The following RASA2 variants were observed in gnomAD, a reference collection of about 807,000 sequenced individuals.
RASA2 encodes the protein ras GTPase-activating protein 2.
A neutral mutation model predicts 118.2 loss-of-function variants in RASA2; 155 were observed. The observed-to-expected ratio is 1.31, with a 90% CI of 1.15 to 1.50. The LOEUF (loss-of-function observed/expected upper bound fraction) is 1.50, where lower values mean the gene tolerates loss of function less well. RASA2 is among the 40% of genes most tolerant of loss of function. The pLI is 0.00. For synonymous variants in RASA2, 353 were observed against 349.1 expected, an observed-to-expected ratio of 1.01 and a Z score of -0.12; for missense variants, 1,016 against 1,009.6, an observed-to-expected ratio of 1.01 and a Z score of -0.09.
At position 141,492,158 on chromosome 3, in the gene RASA2, T is replaced by G. The variant is rs772396240; in HGVS notation, c.133+4942T>G. ...AACCTCAGTGAGTTCATAGAGTTGT[T>G]TTTTTAAAACTTAGAACTCTTTGAA... On this transcript the variant is annotated intron_variant, in intron 1 of 23. Coordinates refer to ENST00000286364, the MANE Select transcript of RASA2 (RefSeq NM_006506.5). Among the ~76,000 whole-genome samples, 69 of 152,208 alleles carry G rather than the reference T, an allele frequency of 4.5e-4. 1 individual carries two copies. Among genetic ancestry groups the G allele is most frequent in the Non-Finnish European group, 1.6e-4 (11 of 68,018 alleles).
chr3:141,498,655 T>G lies in RASA2; in HGVS notation c.133+11439T>G, dbSNP rs369168715. Among the ~76,000 whole-genome samples the G allele has an allele frequency of 2.6e-5, 4 of 152,012 alleles. No homozygotes were observed. The South Asian group carries it at 6.2e-4, about 24-fold the overall frequency. On this transcript the variant is annotated intron_variant, in intron 1 of 23. Transcript: ENST00000286364. ...TATGTGTCTAGGTGTCTTTTTTTTG[T>G]GGAGGGGGGGCGAAGATCAATATGA...
intron 1 of RASA2, among the ~76,000 whole-genome samples, chr3:141,494,996 T>C (rs1037212532): frequency 6.6e-6 from 1 of 152,166 alleles, no homozygotes; most frequent in South Asian, 2.1e-4. Context: ...GGTTGAGAAA[T>C]TGAGAAAGAA....
chr3:141,518,268 C>T (rs1310115640), intron 3 of RASA2, among the ~76,000 whole-genome samples: 7 of 151,140 alleles, frequency 4.6e-5, no homozygotes, highest in African/African-American at 9.7e-5. Flanking sequence ...GGGCAGATCA[C>T]GAGGTCAGGA....
At chr3:141,515,622 C>A (rs1483485565) in intron 2 of RASA2, among the ~76,000 whole-genome samples, 1 of 152,002 alleles carries the variant, frequency 6.6e-6, no homozygotes, top group East Asian at 1.9e-4. Flanking sequence ...TATTATTTGG[C>A]CAGGAACATT....
chr3:141,509,324 G>T (rs555591455), intron 1 of RASA2, among the ~76,000 whole-genome samples: 5 of 152,132 alleles, frequency 3.3e-5, no homozygotes, highest in Non-Finnish European at 7.4e-5. Flanking sequence ...ATAATGTCAG[G>T]TTCATTGGAT....
intron 5 of RASA2, among the ~76,000 whole-genome samples, chr3:141,547,861 T>A (rs1202849543): frequency 6.6e-6 from 1 of 152,208 alleles, no homozygotes; most frequent in African/African-American, 2.4e-5. Flanking sequence ...TTGATCCTTC[T>A]GTACCTATTT....
chr3:141,568,701 C>A (rs377746873), intron 9 of RASA2, among the ~76,000 whole-genome samples: 1 of 151,972 alleles, frequency 6.6e-6, no homozygotes, highest in South Asian at 2.1e-4. Flanking sequence ...TTTCTTAGTT[C>A]TTGAAGTTTG....
At chr3:141,581,021 C>A in intron 16 of RASA2, 79 bp from the exon 17 acceptor site, 1 of 1,375,184 alleles carries the variant, frequency 7.3e-7, no homozygotes, top group African/African-American at 1.5e-5. Flanking sequence ...AGGCCTTAAT[C>A]CTCAGCTTAA....
intron 7 of RASA2, among the ~76,000 whole-genome samples, chr3:141,557,207 A>G (rs2082663268): frequency 6.6e-6 from 1 of 152,180 alleles, no homozygotes; most frequent in South Asian, 2.1e-4. Context: ...ACATTCATTC[A>G]GAGGGCCTTT....
intron 19 of RASA2, among the ~76,000 whole-genome samples, chr3:141,605,253 C>T (rs12695743): frequency 0.25 from 37,252 of 152,030 alleles, 5,215 homozygotes; most frequent in Non-Finnish European, 0.32. Flanking sequence ...GTAATTTTCT[C>T]CTGAATACTC....
rs1394280019 is a variant in RASA2 at position 141,529,797 on chromosome 3, G to T, written c.445G>T (p.Val149Phe). 6.3e-7 allele frequency: 1 copy of T among 1,599,224 alleles called. No homozygotes were observed. The highest frequency in any genetic ancestry group is 8.6e-7 in the Non-Finnish European group (1 of 1,167,356). The change falls in exon 4 of 24, where the codon GTT becomes TTT. Residue 149 changes from valine to phenylalanine, a missense_variant. Physicochemically the swap from Val to Phe is conservative, Grantham distance 50. Coordinates refer to ENST00000286364, the MANE Select transcript of RASA2 (RefSeq NM_006506.5). ...ACAGCCTGTTGACTCCAATTCAGAG[G>T]TTCAGGTAAATATTAAGGCTTATGT... ...SLQPVDSNSE[V>F]QGKVHLELKL... is the part of the protein sequence containing the mutation.
At chr3:141,596,257 G>A (rs188650748) in intron 19 of RASA2, among the ~76,000 whole-genome samples, 1 of 152,134 alleles carries the variant, frequency 6.6e-6, no homozygotes, top group Non-Finnish European at 1.5e-5. Flanking sequence ...ATACTTCTAA[G>A]TAACCTATAG....
chr3:141,588,353 A>G (rs1391022275), intron 19 of RASA2, among the ~76,000 whole-genome samples: 1 of 152,212 alleles, frequency 6.6e-6, no homozygotes, highest in East Asian at 1.9e-4. Flanking sequence ...AACAAACCCA[A>G]TGGATATAGT....
intron 9 of RASA2, among the ~76,000 whole-genome samples, chr3:141,567,939 C>CTGAGAGAGAGAATT (rs778283504): frequency 1.8e-4 from 27 of 152,196 alleles, no homozygotes; most frequent in Non-Finnish European, 2.2e-4. Flanking sequence ...TAACAGAGGA[C>CTGAGAGAGAGAATT]TGAGAGAGAG....
At chr3:141,546,535 T>A (rs2082488300) in intron 5 of RASA2, among the ~76,000 whole-genome samples, 1 of 152,206 alleles carries the variant, frequency 6.6e-6, no homozygotes, top group African/African-American at 2.4e-5. Flanking sequence ...TTAAATCAGA[T>A]TATTATATTC....
intron 19 of RASA2, among the ~76,000 whole-genome samples, chr3:141,597,304 T>C (rs1319751059): frequency 6.6e-6 from 1 of 152,204 alleles, no homozygotes; most frequent in African/African-American, 2.4e-5. Context: ...TGCTGCATCA[T>C]GGATGAACCT....
In RASA2 at chr3:141,585,025, A is replaced by G. The variant is rs149492066; in HGVS notation, c.1753-1000A>G. On this transcript the variant is annotated intron_variant, in intron 17 of 23. Transcript: ENST00000286364. ...GGTTTTGGAACATTTGGGATTTTTC[A>G]GATTAAGGATGTTCAACCTGTATTC... Among the ~76,000 whole-genome samples, 265 of 152,272 alleles carry G rather than the reference A, an allele frequency of 1.7e-3. 1 individual carries two copies. Among genetic ancestry groups the G allele is most frequent in the African/African-American group, 6.0e-3 (248 of 41,540 alleles).
Position 141,574,068 on chromosome 3 carries a change from G to C in RASA2, c.1483+1G>C. On this transcript the variant is annotated splice_donor_variant, in intron 14 of 23. Transcript: ENST00000286364. LOFTEE classifies it high-confidence loss of function. Reference sequence around the variant, plus strand: ...CAGATGGCTACTCAGAGATTTCCTAGTAAGTGCCTTGTTTTACTAAAACAT... The same window carrying C: ...CAGATGGCTACTCAGAGATTTCCTACTAAGTGCCTTGTTTTACTAAAACAT... 1 of 1,464,468 alleles carries C rather than the reference G, an allele frequency of 6.8e-7. No individual in the cohort carries two copies. 90.7% of individuals were successfully genotyped at this position (1,464,468 alleles called of 1,614,324 possible).
chr3:141,488,827 C>G (rs1008900096), intron 1 of RASA2, among the ~76,000 whole-genome samples: 4 of 152,152 alleles, frequency 2.6e-5, no homozygotes, highest in Admixed American at 2.6e-4. Context: ...ATTTTTACCA[C>G]TTTCTTAGTG....
Sources: allele counts gnomAD v4.1 joint callset (sites outside exome capture counted in the v4.1 genomes callset), GRCh38; gene constraint gnomAD v4.1.1; transcripts MANE v1.5; gene names NCBI Gene and HGNC (gene_info 2026-07-23, HGNC 2026-07-21).